LPIN2: variants seen among roughly 807,000 people sequenced by gnomAD.
LPIN2 encodes phosphatidate phosphatase LPIN2.
LPIN2 carries 55 observed loss-of-function variants against 111.4 expected under a neutral mutation model. The observed-to-expected ratio is 0.49, with a 90% confidence interval of 0.40 to 0.62. The LOEUF (loss-of-function observed/expected upper bound fraction) is 0.62. LPIN2 is among the 20% of genes least tolerant of loss of function. The probability of loss-of-function intolerance (pLI) is 0.00; values close to 1 mark genes in which losing one functional copy is unlikely to be tolerated. For missense variants in LPIN2, 992 were observed against 1,112.1 expected, an observed-to-expected ratio of 0.89 and a Z score of 1.54; for synonymous variants, 425 against 414.0, an observed-to-expected ratio of 1.03 and a Z score of -0.32.
At chr18:2,941,495 C>T (rs117919901) in intron 4 of LPIN2, among the ~76,000 whole-genome samples, 1 of 152,340 alleles carries the variant, frequency 6.6e-6, no homozygotes, top group East Asian at 1.9e-4. Context: ...ACCTTGAAAA[C>T]ATCCCTCAGA....
intron 11 of LPIN2, 24 bp from the exon 12 acceptor site, chr18:2,927,835 G>A (rs1052131608): frequency 6.2e-7 from 1 of 1,606,258 alleles, no homozygotes. Flanking sequence ...ACCTGGGTTA[G>A]TCTGGGCAAT....
intron 1 of LPIN2, among the ~76,000 whole-genome samples, chr18:3,000,136 G>GAGA (rs1246546791): frequency 2.7e-5 from 4 of 149,914 alleles, no homozygotes; most frequent in Admixed American, 1.3e-4. Context: ...GGAGGAGGAG[G>GAGA]AGGAGAAGGA....
At chr18:2,926,832 C>T in intron 12 of LPIN2, 27 bp from the exon 13 acceptor site, 1 of 1,594,466 alleles carries the variant, frequency 6.3e-7, no homozygotes, top group Non-Finnish European at 8.6e-7. Context: ...ATAATGGCAA[C>T]ATGCAATTTT....
At position 2,940,693 on chromosome 18, in the gene LPIN2, A is replaced by G; in HGVS notation, c.610T>C (p.Leu204=). 6.2e-7 allele frequency: 1 copy of G among 1,611,960 alleles called. No individual in the cohort carries two copies. Among genetic ancestry groups the G allele is most frequent in the Non-Finnish European group, 8.5e-7 (1 of 1,178,374 alleles). Reference sequence around the variant, plus strand: ...GGCTCTTTACATTCTTCTTCTTTCAAGGAAGCATTTGAAGATCCTCTGTGA... The same window carrying G: ...GGCTCTTTACATTCTTCTTCTTTCAGGGAAGCATTTGAAGATCCTCTGTGA... ...QAARGSSNAS[L]KEEECKEPLL... Residue 204 remains leucine (L), a synonymous_variant, in exon 5 of 20, where the codon TTG becomes CTG. Coordinates refer to ENST00000677752, the MANE Select transcript of LPIN2 (RefSeq NM_001375808.2).
intron 9 of LPIN2, among the ~76,000 whole-genome samples, chr18:2,929,629 G>A (rs1055232741): frequency 6.6e-6 from 1 of 152,200 alleles, no homozygotes; most frequent in Non-Finnish European, 1.5e-5. Context: ...GTTTGGGCCA[G>A]GCACAGTGGC....
At chr18:2,979,435 G>T (rs112440606) in intron 1 of LPIN2, among the ~76,000 whole-genome samples, 18 of 152,204 alleles carry the variant, frequency 1.2e-4, no homozygotes, top group African/African-American at 4.3e-4. Context: ...ACCCAGAGCA[G>T]CAAAAAATTC....
intron 1 of LPIN2, among the ~76,000 whole-genome samples, chr18:2,979,456 G>A (rs1401568155): frequency 6.6e-6 from 1 of 152,068 alleles, no homozygotes; most frequent in Non-Finnish European, 1.5e-5. Context: ...CGACATATTA[G>A]TGGAGGCAAA....
chr18:3,003,558 C>G (rs1476920203), intron 1 of LPIN2, among the ~76,000 whole-genome samples: 1 of 152,192 alleles, frequency 6.6e-6, no homozygotes, highest in African/African-American at 2.4e-5. Flanking sequence ...TTAAGCCTGT[C>G]TTTACTGCAG....
chr18:3,010,268 C>T (rs16944200), intron 1 of LPIN2, among the ~76,000 whole-genome samples: 13,788 of 152,168 alleles, frequency 0.091, 2,043 homozygotes, highest in African/African-American at 0.31. Flanking sequence ...TTACCAAAGC[C>T]GCTAAGCCAA....
chr18:2,929,770 G>A (rs1366964805), intron 9 of LPIN2, among the ~76,000 whole-genome samples: 1 of 152,176 alleles, frequency 6.6e-6, no homozygotes, highest in Non-Finnish European at 1.5e-5. Flanking sequence ...GGCGGGTATG[G>A]TGGTGCCAAC....
intron 1 of LPIN2, among the ~76,000 whole-genome samples, chr18:2,990,500 G>A (rs1195676774): frequency 3.3e-5 from 5 of 152,126 alleles, no homozygotes; most frequent in Non-Finnish European, 1.5e-5. Context: ...CTTCAAAGAA[G>A]ATATACAAAA....
At chr18:3,005,290 C>T (rs2078495371) in intron 1 of LPIN2, among the ~76,000 whole-genome samples, 1 of 151,528 alleles carries the variant, frequency 6.6e-6, no homozygotes, top group South Asian at 2.1e-4. Context: ...GTAGAGGCTG[C>T]AGCGAGCCAA....
intron 5 of LPIN2, among the ~76,000 whole-genome samples, 190 bp from the exon 6 acceptor site, chr18:2,939,793 A>G (rs1169455877): frequency 1.3e-5 from 2 of 152,212 alleles, no homozygotes; most frequent in Admixed American, 6.5e-5. Context: ...AAATGACACC[A>G]ACTAGTATTT....
chr18:2,961,031 G>GACCACCC (rs1220907208), intron 1 of LPIN2, among the ~76,000 whole-genome samples, 182 bp from the exon 2 acceptor site: 1 of 151,826 alleles, frequency 6.6e-6, no homozygotes, highest in African/African-American at 2.4e-5. Flanking sequence ...TCCACACACG[G>GACCACCC]ACCTCCCGAG....
Position 2,918,311 on chromosome 18 carries a change from A to T in LPIN2, c.*1982T>A, listed in dbSNP as rs2076999142. The T allele has an allele frequency of 6.6e-6, 1 of 152,242 alleles. No homozygotes were observed. The highest frequency in any genetic ancestry group is 2.4e-5 in the African/African-American group (1 of 41,460). 9.4% of individuals were successfully genotyped at this position (152,242 alleles called of 1,614,324 possible). ...TCAAAAACTCTTTAAAGGACAACCT[A>T]AAAAGGATTAAAGATGTATATTAAG... On this transcript the variant is annotated 3_prime_UTR_variant, in exon 20 of 20. Transcript: ENST00000677752.
chr18:2,979,369 A>G (rs1015780040), intron 1 of LPIN2, among the ~76,000 whole-genome samples: 3 of 152,198 alleles, frequency 2.0e-5, no homozygotes, highest in African/African-American at 4.8e-5. Flanking sequence ...CAAACTCAAC[A>G]TGGTAGCATT....
intron 1 of LPIN2, among the ~76,000 whole-genome samples, chr18:2,975,628 T>C (rs2078000006): frequency 6.6e-6 from 1 of 152,152 alleles, no homozygotes; most frequent in Non-Finnish European, 1.5e-5. Flanking sequence ...CCAAGCCTTT[T>C]ATTATGAGTA....
chr18:2,950,626 T>C (rs1040323199), intron 4 of LPIN2: 1 of 245,738 alleles, frequency 4.1e-6, no homozygotes, highest in East Asian at 1.0e-4. Context: ...AGACTGCTCA[T>C]GTAAAAAAAT....
At chr18:3,000,953 T>C (rs1344390567) in intron 1 of LPIN2, among the ~76,000 whole-genome samples, 3 of 96,394 alleles carry the variant, frequency 3.1e-5, no homozygotes, top group South Asian at 7.5e-4. Flanking sequence ...GGGGAAAGGA[T>C]AGGAAAATGG....
Sources: gnomAD v4.1 joint callset for allele counts (sites outside exome capture counted in the v4.1 genomes callset) on GRCh38, gnomAD v4.1.1 for gene constraint, MANE v1.5 for transcripts, NCBI Gene and HGNC (gene_info 2026-07-23, HGNC 2026-07-21) for gene names.